The following FMN2 variants were observed in gnomAD, a reference collection of about 807,000 sequenced individuals.
FMN2 encodes formin 2, also known as formin-2.
A neutral mutation model predicts 142.3 loss-of-function variants in FMN2; 51 were observed. The observed-to-expected ratio is 0.36, with a 90% CI of 0.29 to 0.45. FMN2 has a LOEUF of 0.45. Ranked by LOEUF, FMN2 falls within the 20% of genes least tolerant of loss-of-function variation. FMN2 has a pLI of 1.00. For missense variants in FMN2, 1,936 were observed against 2,122.8 expected, an observed-to-expected ratio of 0.91 and a Z score of 1.73; for synonymous variants, 882 against 869.8, an observed-to-expected ratio of 1.01 and a Z score of -0.25.
intron 2 of FMN2, chr1:240,143,360 C>T (rs1663278073): frequency 1.4e-6 from 2 of 1,469,448 alleles, no homozygotes; most frequent in African/African-American, 1.4e-5. Context: ...AGCAAGTGGC[C>T]AAAGGTTCAT....
intron 6 of FMN2, among the ~76,000 whole-genome samples, chr1:240,221,067 A>C (rs1161179404): frequency 6.6e-6 from 1 of 152,092 alleles, no homozygotes; most frequent in Admixed American, 6.6e-5. Context: ...TTATGGCTGC[A>C]TTGTATTCCA....
chr1:240,121,177 A>G (rs1301675148), intron 1 of FMN2, among the ~76,000 whole-genome samples: 1 of 152,026 alleles, frequency 6.6e-6, no homozygotes, highest in Non-Finnish European at 1.5e-5. Context: ...GTCAGAAAAA[A>G]TTAAGGCCTA....
intron 6 of FMN2, among the ~76,000 whole-genome samples, chr1:240,247,596 T>A (rs1668124795): frequency 1.3e-5 from 2 of 152,178 alleles, no homozygotes. Flanking sequence ...CCAATTGGGT[T>A]TAAAACCTAT....
chr1:240,414,994 C>A (rs1674529001), intron 15 of FMN2, among the ~76,000 whole-genome samples: 1 of 152,176 alleles, frequency 6.6e-6, no homozygotes, highest in Admixed American at 6.5e-5. Flanking sequence ...GAAATGCCAT[C>A]ATCTCCCCAA....
At chr1:240,446,063 C>G (rs930068096) in intron 16 of FMN2, among the ~76,000 whole-genome samples, 2 of 152,150 alleles carry the variant, frequency 1.3e-5, no homozygotes, top group Non-Finnish European at 2.9e-5. Context: ...AAACAGATTT[C>G]TCCTTTCTTC....
intron 15 of FMN2, among the ~76,000 whole-genome samples, chr1:240,432,081 T>G (rs1675198122): frequency 1.3e-5 from 2 of 151,976 alleles, no homozygotes; most frequent in Non-Finnish European, 2.9e-5. Context: ...GTTAATTCAC[T>G]TGTGAAACAA....
At chr1:240,165,483 T>A (rs2103300008) in intron 2 of FMN2, among the ~76,000 whole-genome samples, 1 of 145,306 alleles carries the variant, frequency 6.9e-6, no homozygotes, top group Admixed American at 6.8e-5. Context: ...TGCTGAAGTC[T>A]ATTTTGTCTT....
intron 2 of FMN2, among the ~76,000 whole-genome samples, chr1:240,130,066 C>G (rs1662674613): frequency 6.6e-6 from 1 of 152,130 alleles, no homozygotes; most frequent in Non-Finnish European, 1.5e-5. Context: ...TTCATTTAGT[C>G]TGAGCCCTGT....
intron 6 of FMN2, among the ~76,000 whole-genome samples, chr1:240,254,803 G>A (rs1327248466): frequency 6.6e-6 from 1 of 152,198 alleles, no homozygotes; most frequent in African/African-American, 2.4e-5. Flanking sequence ...GGCCCTGGCT[G>A]CGGTTGGAGG....
chr1:240,430,993 A>G (rs1455585008), intron 15 of FMN2, among the ~76,000 whole-genome samples: 2 of 151,864 alleles, frequency 1.3e-5, no homozygotes, highest in African/African-American at 4.8e-5. Context: ...AAAAAAAAAA[A>G]AAACTCTTGA....
chr1:240,456,122 A>G (rs16840088), intron 16 of FMN2, among the ~76,000 whole-genome samples: 1 of 151,878 alleles, frequency 6.6e-6, no homozygotes, highest in Non-Finnish European at 1.5e-5. Flanking sequence ...GGAATAATGG[A>G]GTCTACACAC....
intron 6 of FMN2, among the ~76,000 whole-genome samples, chr1:240,251,728 G>A (rs918177454): frequency 6.6e-6 from 1 of 152,046 alleles, no homozygotes. Flanking sequence ...CTAATAATAT[G>A]TTTTATATAT....
chr1:240,164,533 G>T (rs1664401329), intron 2 of FMN2, among the ~76,000 whole-genome samples: 1 of 152,094 alleles, frequency 6.6e-6, no homozygotes, highest in African/African-American at 2.4e-5. Context: ...GTGCAAGCCT[G>T]CTAGGTGACA....
chr1:240,388,868 A>G lies in FMN2; in HGVS notation c.4859-3643A>G, dbSNP rs1673506925. 2.7e-5 allele frequency among the ~76,000 whole-genome samples: 4 copies of G among 150,096 alleles called. No individual in the cohort carries two copies. The South Asian group carries it at 8.5e-4, about 32-fold the overall frequency. ...CAAGAGCAAAACTCCATCTCAAAAAAAAAAAAAAAGGGGGGGGGTCAAGCA... is the reference window on the plus strand; with the variant it reads ...CAAGAGCAAAACTCCATCTCAAAAAGAAAAAAAAAGGGGGGGGGTCAAGCA... On this transcript the variant is annotated intron_variant, in intron 14 of 17. Transcript: ENST00000319653.
intron 6 of FMN2, among the ~76,000 whole-genome samples, chr1:240,211,974 G>A (rs564764992): frequency 2.6e-5 from 4 of 152,258 alleles, no homozygotes; most frequent in East Asian, 1.9e-4. Flanking sequence ...AATGGTGCCC[G>A]TCTTTACCCT....
chr1:240,151,524 T>C (rs1463151576), intron 2 of FMN2, among the ~76,000 whole-genome samples: 3 of 151,996 alleles, frequency 2.0e-5, no homozygotes, highest in African/African-American at 7.2e-5. Context: ...TTTGAGAAAA[T>C]GTAAGCTCCG....
chr1:240,289,944 C>T (rs1669718460), intron 7 of FMN2, among the ~76,000 whole-genome samples: 1 of 152,084 alleles, frequency 6.6e-6, no homozygotes, highest in African/African-American at 2.4e-5. Context: ...GGTAATTCAA[C>T]ATTTGTAGTA....
intron 13 of FMN2, among the ~76,000 whole-genome samples, chr1:240,347,330 T>G (rs1671940425): frequency 1.3e-5 from 2 of 152,126 alleles, no homozygotes; most frequent in African/African-American, 4.8e-5. Flanking sequence ...TCCACTGACA[T>G]CTGAAACCTA....
chr1:240,309,149 T>C (rs1275627030), intron 8 of FMN2, among the ~76,000 whole-genome samples: 1 of 152,162 alleles, frequency 6.6e-6, no homozygotes, highest in Admixed American at 6.5e-5. Context: ...TACAAGAATA[T>C]AGTGATAACT....
Sources: gnomAD v4.1 joint callset for allele counts (sites outside exome capture counted in the v4.1 genomes callset) on GRCh38, gnomAD v4.1.1 for gene constraint, MANE v1.5 for transcripts, NCBI Gene and HGNC (gene_info 2026-07-23, HGNC 2026-07-21) for gene names.